Variants in SULF1 observed in about 807,000 individuals in gnomAD.
SULF1 encodes sulfatase 1, also known as extracellular sulfatase Sulf-1.
SULF1 carries 46 observed loss-of-function variants against 110.5 expected under a neutral mutation model. The ratio of observed to expected loss-of-function variants is 0.42; its 90% CI spans 0.33 to 0.53. The LOEUF (loss-of-function observed/expected upper bound fraction) is 0.53. Ranked by LOEUF, SULF1 falls within the 20% of genes least tolerant of loss-of-function variation. The probability of loss-of-function intolerance (pLI) is 0.12; values close to 1 mark genes in which losing one functional copy is unlikely to be tolerated. For synonymous variants in SULF1, 371 were observed against 387.1 expected (o/e 0.96, Z 0.49); for missense variants, 941 against 1,094.2 (o/e 0.86, Z 1.98).
At chr8:69,563,822 A>G in intron 4 of SULF1, 94 bp from the exon 5 acceptor site, 1 of 708,320 alleles carries the variant, frequency 1.4e-6, no homozygotes, top group Non-Finnish European at 2.4e-6. Context: ...TTATGTGCCA[A>G]TACTGACTTA....
Position 69,566,356 on chromosome 8 carries a change from A to G in SULF1, c.172+2209A>G, listed in dbSNP as rs548423230. ...TGCTCATAACTTTCTTTTTTAACAG[A>G]ATTCAAATTTTCAGCCTTGTCCTAT... is the stretch of plus-strand genomic sequence containing the variant. On this transcript the variant is annotated intron_variant, in intron 5 of 22. Transcript: ENST00000402687. Among the ~76,000 whole-genome samples the G allele has an allele frequency of 9.8e-5, 15 of 152,306 alleles. No homozygotes were observed. In the South Asian group the frequency reaches 3.1e-3, roughly 32 times the overall value.
At chr8:69,533,986 T>C (rs1055239450) in intron 3 of SULF1, among the ~76,000 whole-genome samples, 6 of 152,246 alleles carry the variant, frequency 3.9e-5, no homozygotes, top group Non-Finnish European at 8.8e-5. Flanking sequence ...CTATTTTTCC[T>C]GGCTTAAGGG....
chr8:69,527,704 T>C (rs542056288), intron 3 of SULF1, among the ~76,000 whole-genome samples: 1 of 152,278 alleles, frequency 6.6e-6, no homozygotes, highest in African/African-American at 2.4e-5. Flanking sequence ...CCCTTATCCA[T>C]ACAGACTTAA....
chr8:69,481,770 T>A (rs1352481507), intron 1 of SULF1, among the ~76,000 whole-genome samples: 1 of 152,320 alleles, frequency 6.6e-6, no homozygotes, highest in South Asian at 2.1e-4. Flanking sequence ...TCCAGCTCCA[T>A]CCATGTCCCT....
upstream of SULF1, among the ~76,000 whole-genome samples, chr8:69,489,495 C>A (rs1809829951): frequency 6.7e-6 from 1 of 150,374 alleles, no homozygotes; most frequent in East Asian, 1.9e-4. Context: ...AGACTTATAG[C>A]CAGAGGGCTA....
chr8:69,528,773 A>G (rs115413484), intron 3 of SULF1, among the ~76,000 whole-genome samples: 1,668 of 152,264 alleles, frequency 0.011, 29 homozygotes, highest in African/African-American at 0.038. Flanking sequence ...AGCAGGCAAG[A>G]TAGCTGAGGA....
Position 69,589,083 on chromosome 8 carries a change from G to A in SULF1, c.676G>A (p.Gly226Ser). 2.5e-6 allele frequency: 4 copies of A among 1,614,036 alleles called. No homozygotes were observed. Among genetic ancestry groups the A allele is most frequent in the Admixed American group, 3.3e-5 (2 of 60,024 alleles). Residue 226 changes from glycine (G) to serine (S), a missense_variant, in exon 8 of 23, where the codon GGC becomes AGC. This residue lies in a region of SULF1 where 822 missense variants were observed against 934.3 expected (regional missense o/e 0.88). Transcript: ENST00000402687. ...MMVISHAAPH[G>S]PEDSAPQFSK... ...GGTGATCAGCCACGCTGCGCCCCAC[G>A]GCCCCGAGGACTCAGCCCCACAGTT...
At chr8:69,553,607 C>T (rs1380192395) in intron 3 of SULF1, among the ~76,000 whole-genome samples, 1 of 152,194 alleles carries the variant, frequency 6.6e-6, no homozygotes, top group Non-Finnish European at 1.5e-5. Context: ...TGTTAGGCTT[C>T]AGATTCACAA....
At chr8:69,528,645 G>T (rs1160543386) in intron 3 of SULF1, among the ~76,000 whole-genome samples, 1 of 152,198 alleles carries the variant, frequency 6.6e-6, no homozygotes, top group Non-Finnish European at 1.5e-5. Context: ...GGTCATACCA[G>T]TGTGTCCTGA....
At chr8:69,556,195 G>A (rs755757771) in intron 3 of SULF1, among the ~76,000 whole-genome samples, 3 of 152,096 alleles carry the variant, frequency 2.0e-5, no homozygotes, top group Non-Finnish European at 4.4e-5. Context: ...AAGAAATGGG[G>A]TACTAGTGAA....
intron 2 of SULF1, among the ~76,000 whole-genome samples, chr8:69,499,427 A>T (rs1563471422): frequency 6.6e-6 from 1 of 152,234 alleles, no homozygotes; most frequent in African/African-American, 2.4e-5. Context: ...ATGAAATTGG[A>T]AAAAACATTT....
chr8:69,514,424 C>A (rs1037749621), intron 3 of SULF1, among the ~76,000 whole-genome samples: 6 of 152,144 alleles, frequency 3.9e-5, no homozygotes, highest in Non-Finnish European at 7.3e-5. Context: ...GGAAATTCAC[C>A]CCCATGATTT....
chr8:69,469,681 G>C (rs751108543), intron 1 of SULF1, among the ~76,000 whole-genome samples: 4 of 152,172 alleles, frequency 2.6e-5, no homozygotes, highest in African/African-American at 4.8e-5. Flanking sequence ...CCCTAATTAT[G>C]TATCCATATT....
chr8:69,626,467 C>T (rs965115510), intron 15 of SULF1, among the ~76,000 whole-genome samples: 7 of 152,264 alleles, frequency 4.6e-5, no homozygotes, highest in African/African-American at 1.7e-4. Flanking sequence ...GTCTGCCAGT[C>T]CCGCGCCATG....
chr8:69,551,700 T>C (rs1397845722), intron 3 of SULF1, among the ~76,000 whole-genome samples: 1 of 152,248 alleles, frequency 6.6e-6, no homozygotes, highest in Non-Finnish European at 1.5e-5. Flanking sequence ...CACCTACTTG[T>C]CTGGGCTTCA....
intron 15 of SULF1, among the ~76,000 whole-genome samples, chr8:69,625,472 G>C (rs1209212664): frequency 6.6e-6 from 1 of 152,172 alleles, no homozygotes; most frequent in African/African-American, 2.4e-5. Flanking sequence ...CAGCTCTTAA[G>C]GTGGCGCATC....
chr8:69,629,857 T>A (rs1362417572), intron 19 of SULF1, among the ~76,000 whole-genome samples, 178 bp downstream of exon 19: 1 of 152,226 alleles, frequency 6.6e-6, no homozygotes, highest in African/African-American at 2.4e-5. Flanking sequence ...TTTCTTTAAA[T>A]TTTTTCTGGC....
At chr8:69,509,748 C>A (rs1455887219) in intron 3 of SULF1, among the ~76,000 whole-genome samples, 2 of 152,180 alleles carry the variant, frequency 1.3e-5, no homozygotes, top group African/African-American at 4.8e-5. Flanking sequence ...ATTCAATTTT[C>A]TTTTTGCCTT....
intron 22 of SULF1, among the ~76,000 whole-genome samples, chr8:69,644,626 A>G (rs1811740588): frequency 6.6e-6 from 1 of 151,864 alleles, no homozygotes; most frequent in Non-Finnish European, 1.5e-5. Context: ...ATACAAAAAA[A>G]AAAGAAAAAT....
Sources: gnomAD v4.1 joint callset for allele counts (sites outside exome capture counted in the v4.1 genomes callset) on GRCh38, gnomAD v4.1.1 for gene constraint, gnomAD v4.1.1 regional missense constraint, MANE v1.5 for transcripts, NCBI Gene and HGNC (gene_info 2026-07-23, HGNC 2026-07-21) for gene names.